Variants in PLEK observed in about 807,000 individuals in gnomAD.
PLEK encodes pleckstrin.
PLEK carries 25 observed loss-of-function variants against 43.9 expected under a neutral mutation model. That is an observed-to-expected ratio of 0.57 (90% CI 0.41 to 0.79). The LOEUF is 0.79. Among genes scored for constraint, PLEK ranks in the 30% least tolerant of loss-of-function variants. PLEK has a pLI of 0.00. For synonymous variants in PLEK, 152 were observed against 144.4 expected, an observed-to-expected ratio of 1.05 and a Z score of -0.38; for missense variants, 396 against 413.3, an observed-to-expected ratio of 0.96 and a Z score of 0.36.
chr2:68,379,242 T>A (rs1673563817), intron 1 of PLEK, among the ~76,000 whole-genome samples: 1 of 152,192 alleles, frequency 6.6e-6, no homozygotes, highest in Non-Finnish European at 1.5e-5. Flanking sequence ...CCAGAGCTTG[T>A]AAGTGAAGGC....
At chr2:68,392,400 CTT>C (rs1333282535) in intron 6 of PLEK, among the ~76,000 whole-genome samples, 3 of 152,158 alleles carry the variant, frequency 2.0e-5, no homozygotes, top group Admixed American at 2.0e-4. Flanking sequence ...CCATCCTGCA[CTT>C]TGTCACCATA....
chr2:68,396,132 G>T lies in PLEK; in HGVS notation c.*316G>T. 9.3e-6 allele frequency: 2 copies of T among 215,738 alleles called. No homozygotes were observed. Among genetic ancestry groups the T allele is most frequent in the Non-Finnish European group, 1.7e-5 (2 of 118,842 alleles). The allele number at this position is 215,738 out of a possible 1,614,324, so 13.4% of individuals were successfully genotyped here. On this transcript the variant is annotated 3_prime_UTR_variant, in exon 9 of 9. Transcript: ENST00000234313. Reference sequence around the variant, plus strand: ...GAAGAAATTCAACTAGTAGATTCCTGAGGTCCCCCTAGCTTAAAAAAAAAA... The same window carrying T: ...GAAGAAATTCAACTAGTAGATTCCTTAGGTCCCCCTAGCTTAAAAAAAAAA...
intron 1 of PLEK, among the ~76,000 whole-genome samples, chr2:68,367,551 G>T (rs1673303559): frequency 6.6e-6 from 1 of 152,170 alleles, no homozygotes; most frequent in East Asian, 1.9e-4. Flanking sequence ...AGGTATTAAA[G>T]TTCTTAACTA....
chr2:68,380,698 T>C (rs1210576986), intron 2 of PLEK, 25 bp from the exon 3 acceptor site: 1 of 1,608,488 alleles, frequency 6.2e-7, no homozygotes, highest in Non-Finnish European at 8.5e-7. Flanking sequence ...AAGCCATTTC[T>C]AATGGGATGT....
At chr2:68,368,303 A>T (rs1415010207) in intron 1 of PLEK, among the ~76,000 whole-genome samples, 1 of 152,242 alleles carries the variant, frequency 6.6e-6, no homozygotes, top group Non-Finnish European at 1.5e-5. Flanking sequence ...ATGGAGCAGC[A>T]AGCTGCTATA....
intron 3 of PLEK, 99 bp downstream of exon 3, chr2:68,381,003 T>C: frequency 2.0e-6 from 2 of 1,008,936 alleles, no homozygotes; most frequent in Non-Finnish European, 3.0e-6. Flanking sequence ...TCTGATGTTG[T>C]ATCCACTCTG....
At chr2:68,394,262 A>C in intron 8 of PLEK, 86 bp downstream of exon 8, 1 of 825,210 alleles carries the variant, frequency 1.2e-6, no homozygotes, top group Non-Finnish European at 2.2e-6. Flanking sequence ...TTAATCAATC[A>C]ATCAATTAAT....
intron 6 of PLEK, among the ~76,000 whole-genome samples, chr2:68,389,252 G>T (rs1673813419): frequency 6.6e-6 from 1 of 152,230 alleles, no homozygotes; most frequent in African/African-American, 2.4e-5. Context: ...TATTCAGGGG[G>T]AAGCTAGTTG....
At chr2:68,371,358 C>T (rs1239678602) in intron 1 of PLEK, among the ~76,000 whole-genome samples, 1 of 152,186 alleles carries the variant, frequency 6.6e-6, no homozygotes, top group Non-Finnish European at 1.5e-5. Context: ...GTTAGTTCCT[C>T]CAACAGTTAG....
In PLEK at chr2:68,382,523, C is replaced by A. The variant is rs116369897; in HGVS notation, c.381-19C>A. 3 of 1,413,546 alleles carry A rather than the reference C, an allele frequency of 2.1e-6. No homozygotes were observed. The highest frequency in any genetic ancestry group is 2.0e-6 in the Non-Finnish European group (2 of 1,012,194). 87.6% of individuals were successfully genotyped at this position (1,413,546 alleles called of 1,614,324 possible). On this transcript the variant is annotated intron_variant, in intron 3 of 8. Transcript: ENST00000234313. Reference sequence around the variant, plus strand: ...TTTTTTTTGTTTGTTTGTTTGTTTGCTTTTTTATCTCTGTGCAGTGCCTTA... The same window carrying A: ...TTTTTTTTGTTTGTTTGTTTGTTTGATTTTTTATCTCTGTGCAGTGCCTTA...
intron 1 of PLEK, among the ~76,000 whole-genome samples, chr2:68,365,826 G>T (rs1011378034): frequency 6.6e-6 from 1 of 152,214 alleles, no homozygotes; most frequent in South Asian, 2.1e-4. Flanking sequence ...TGATTAAAGA[G>T]TTGATATAAT....
intron 6 of PLEK, among the ~76,000 whole-genome samples, chr2:68,392,092 C>T (rs371589286): frequency 2.6e-5 from 4 of 152,096 alleles, no homozygotes; most frequent in African/African-American, 7.2e-5. Flanking sequence ...AAGGCCAAGT[C>T]GTCACCTTCT....
rs1237325921 is a variant in PLEK, at chr2:68,380,860, A to G, written c.336A>G (p.Lys112=). 1 of 1,613,912 alleles carries G rather than the reference A, an allele frequency of 6.2e-7. No individual in the cohort carries two copies. Among genetic ancestry groups the G allele is most frequent in the Non-Finnish European group, 8.5e-7 (1 of 1,179,936 alleles). The part of the protein sequence containing the change: ...CIEGGQKFAR[K]STRRSIRLPE... ...AAGGAGGCCAGAAATTTGCCAGGAA[A>G]TCTACCAGGAGGTCCATTCGACTGC... The change falls in exon 3 of 9, where the codon AAA becomes AAG. Residue 112 remains lysine (K), a synonymous_variant. Transcript: ENST00000234313.
chr2:68,380,940 T>C, intron 3 of PLEK, 36 bp downstream of exon 3: 1 of 1,570,964 alleles, frequency 6.4e-7, no homozygotes, highest in Non-Finnish European at 8.7e-7. Context: ...TACCCATTCC[T>C]TCTGAAAGAC....
intron 4 of PLEK, among the ~76,000 whole-genome samples, 196 bp from the exon 5 acceptor site, chr2:68,386,306 C>T (rs1384985606): frequency 2.0e-5 from 3 of 152,034 alleles, no homozygotes; most frequent in African/African-American, 7.2e-5. Flanking sequence ...CTTAAAAACC[C>T]TTTACATAGT....
At chr2:68,386,386 C>T (rs999198166) in intron 4 of PLEK, 116 bp from the exon 5 acceptor site, 2 of 655,628 alleles carry the variant, frequency 3.1e-6, no homozygotes, top group African/African-American at 3.6e-5. Flanking sequence ...CTTGAAATAA[C>T]AGGGGAGACG....
At chr2:68,390,471 C>G (rs566288036) in intron 6 of PLEK, among the ~76,000 whole-genome samples, 1 of 152,296 alleles carries the variant, frequency 6.6e-6, no homozygotes, top group African/African-American at 2.4e-5. Flanking sequence ...AAACAGAAAT[C>G]TACGTGCATT....
chr2:68,368,644 C>T (rs1673329719), intron 1 of PLEK, among the ~76,000 whole-genome samples: 1 of 152,220 alleles, frequency 6.6e-6, no homozygotes, highest in South Asian at 2.1e-4. Flanking sequence ...GGCCAATAAA[C>T]ATGTTTGGAA....
intron 1 of PLEK, among the ~76,000 whole-genome samples, chr2:68,379,626 T>C (rs1014355420): frequency 6.6e-6 from 1 of 152,148 alleles, no homozygotes; most frequent in Non-Finnish European, 1.5e-5. Flanking sequence ...GGTGGGTCCT[T>C]TGTGGTTCTT....
Sources: allele counts gnomAD v4.1 joint callset (sites outside exome capture counted in the v4.1 genomes callset), GRCh38; gene constraint gnomAD v4.1.1; transcripts MANE v1.5; gene names NCBI Gene and HGNC (gene_info 2026-07-23, HGNC 2026-07-21).